The following TMEM154 variants were observed in gnomAD, a reference collection of about 807,000 sequenced individuals.
The protein encoded by TMEM154 is transmembrane protein 154.
In TMEM154, 27 loss-of-function variants were observed where a neutral mutation model predicts 24.5. The observed-to-expected ratio is 1.10, with a 90% CI of 0.81 to 1.52. The LOEUF (loss-of-function observed/expected upper bound fraction) is 1.52. Among genes scored for constraint, TMEM154 ranks in the 40% most tolerant of loss-of-function variants. The pLI, the probability that TMEM154 is intolerant of heterozygous loss-of-function variation, is 0.00. For synonymous variants in TMEM154, 67 were observed against 76.8 expected, an observed-to-expected ratio of 0.87 and a Z score of 0.67; for missense variants, 228 against 213.4, an observed-to-expected ratio of 1.07 and a Z score of -0.43.
intron 1 of TMEM154, among the ~76,000 whole-genome samples, chr4:152,671,825 G>A (rs887072530): frequency 6.7e-6 from 1 of 149,846 alleles, no homozygotes; most frequent in African/African-American, 2.5e-5. Flanking sequence ...AGGGAGCAAA[G>A]AATGAGTATT....
At chr4:152,672,311 AG>A (rs1728858600) in intron 1 of TMEM154, among the ~76,000 whole-genome samples, 1 of 152,188 alleles carries the variant, frequency 6.6e-6, no homozygotes, top group African/African-American at 2.4e-5. Context: ...AGAAAAGAAA[AG>A]AACACTGACA....
At chr4:152,638,518 G>T (rs72956768) in intron 6 of TMEM154, among the ~76,000 whole-genome samples, 4,969 of 152,122 alleles carry the variant, frequency 0.033, 254 homozygotes, top group African/African-American at 0.11. Flanking sequence ...TAAAGGAAGT[G>T]AATTTTTTTT....
At chr4:152,655,333 G>A (rs1728469526) in intron 1 of TMEM154, among the ~76,000 whole-genome samples, 2 of 152,160 alleles carry the variant, frequency 1.3e-5, no homozygotes, top group South Asian at 4.1e-4. Flanking sequence ...CTGCAGCCTA[G>A]CCACGGGAGA....
At chr4:152,663,105 T>G (rs1415092046) in intron 1 of TMEM154, among the ~76,000 whole-genome samples, 1 of 152,134 alleles carries the variant, frequency 6.6e-6, no homozygotes, top group African/African-American at 2.4e-5. Context: ...GTAAATGAAA[T>G]AAGAACTGTT....
chr4:152,637,367 G>A (rs13134546), intron 6 of TMEM154, among the ~76,000 whole-genome samples: 7,856 of 152,160 alleles, frequency 0.052, 280 homozygotes, highest in Non-Finnish European at 0.076. Flanking sequence ...CCAATGTGGT[G>A]AAACCCCATT....
intron 1 of TMEM154, among the ~76,000 whole-genome samples, chr4:152,661,318 C>G (rs1302793843): frequency 6.7e-6 from 1 of 148,940 alleles, no homozygotes; most frequent in African/African-American, 2.5e-5. Flanking sequence ...CTCTCTCTCT[C>G]TCTCTCTCTC....
At chr4:152,628,590 AAACAAAAAAAAC>A (rs1285689488) in intron 6 of TMEM154, 29 bp from the exon 7 acceptor site, 3 of 783,862 alleles carry the variant, frequency 3.8e-6, no homozygotes, top group Admixed American at 7.1e-5. Flanking sequence ...AAAAAAAAAA[AAACAAAAAAAAC>A]ACACACACAC....
At chr4:152,657,717 C>T (rs556196894) in intron 1 of TMEM154, among the ~76,000 whole-genome samples, 23 of 152,034 alleles carry the variant, frequency 1.5e-4, no homozygotes, top group Admixed American at 3.3e-4. Flanking sequence ...GCAAGAGAAA[C>T]GCATGTAGTC....
At chr4:152,672,926 G>A (rs1015084672) in intron 1 of TMEM154, among the ~76,000 whole-genome samples, 1 of 152,196 alleles carries the variant, frequency 6.6e-6, no homozygotes, top group Non-Finnish European at 1.5e-5. Flanking sequence ...AACATTAAAG[G>A]TAAAACCATT....
chr4:152,630,244 C>T lies in TMEM154; in HGVS notation c.537-1683G>A, dbSNP rs181294989. 1.8e-4 allele frequency among the ~76,000 whole-genome samples: 24 copies of T among 131,488 alleles called. No individual in the cohort carries two copies. The East Asian group carries it at 5.2e-3, about 28-fold the overall frequency. 86.3% of individuals were successfully genotyped at this position (131,488 alleles called of 152,430 possible). On this transcript the variant is annotated intron_variant, in intron 6 of 6. Coordinates refer to ENST00000304385, the MANE Select transcript of TMEM154 (RefSeq NM_152680.3). ...GGAGGATTGCAGGAGCCCTACCGTT[C>T]GAGGCTGTAGTGAGCTGTGATTGTG...
chr4:152,628,601 A>ACC, intron 6 of TMEM154, 40 bp from the exon 7 acceptor site: 1 of 1,050,290 alleles, frequency 9.5e-7, no homozygotes, highest in Non-Finnish European at 1.3e-6. Flanking sequence ...AACAAAAAAA[A>ACC]CACACACACA....
At chr4:152,667,991 T>C (rs1561057306) in intron 1 of TMEM154, among the ~76,000 whole-genome samples, 1 of 152,274 alleles carries the variant, frequency 6.6e-6, no homozygotes, top group East Asian at 1.9e-4. Flanking sequence ...AGACCCACAA[T>C]GTTCCAATGT....
chr4:152,669,468 A>G (rs1340713719), intron 1 of TMEM154: 1 of 114,742 alleles, frequency 8.7e-6, no homozygotes, highest in Non-Finnish European at 1.7e-5. Flanking sequence ...TGTACTAAAT[A>G]CTTATACTAA....
chr4:152,671,725 C>T (rs1207006287), intron 1 of TMEM154, among the ~76,000 whole-genome samples: 1 of 100,160 alleles, frequency 1.0e-5, no homozygotes, highest in Non-Finnish European at 1.8e-5. Flanking sequence ...CCAGCCTGGG[C>T]GACAGAGCGA....
intron 6 of TMEM154, among the ~76,000 whole-genome samples, chr4:152,633,425 A>G (rs1021687003): frequency 3.3e-5 from 5 of 152,200 alleles, no homozygotes; most frequent in Non-Finnish European, 7.3e-5. Flanking sequence ...TTATTTAGTT[A>G]GATATGTTTC....
intron 1 of TMEM154, among the ~76,000 whole-genome samples, chr4:152,664,254 C>T (rs546703595): frequency 1.1e-4 from 17 of 152,246 alleles, no homozygotes; most frequent in Admixed American, 4.6e-4. Context: ...AGCCATCATT[C>T]GCAGCAAACT....
rs899978917 is a variant in TMEM154, at chr4:152,646,696, C to A, written c.365-2254G>T. The stretch of plus-strand genomic sequence containing the variant: ...CCTCCTTCAGTTCCTACTTCCCCCC[C>A]ACTTAGCCTGACAGTACTCTCCTCT... On this transcript the variant is annotated intron_variant, in intron 3 of 6. Transcript: ENST00000304385. 2.4e-4 allele frequency: 102 copies of A among 417,896 alleles called. No individual in the cohort carries two copies. The Admixed American group carries it at 2.9e-3, about 12-fold the overall frequency. The allele number at this position is 417,896 out of a possible 1,614,324, so 25.9% of individuals were successfully genotyped here.
At chr4:152,665,977 AG>A (rs1579533871) in intron 1 of TMEM154, among the ~76,000 whole-genome samples, 1 of 152,030 alleles carries the variant, frequency 6.6e-6, no homozygotes, top group East Asian at 1.9e-4. Context: ...CTGTAGAAAC[AG>A]GGAGTCTCAC....
At chr4:152,641,661 C>CT (rs5863014) in intron 5 of TMEM154, among the ~76,000 whole-genome samples, 12,931 of 126,886 alleles carry the variant, frequency 0.1, 722 homozygotes, top group African/African-American at 0.14. Context: ...TTTCTTCTAC[C>CT]TTTTTTTTTT....
Sources: allele counts gnomAD v4.1 joint callset (sites outside exome capture counted in the v4.1 genomes callset), GRCh38; gene constraint gnomAD v4.1.1; transcripts MANE v1.5; gene names NCBI Gene and HGNC (gene_info 2026-07-23, HGNC 2026-07-21).